The following ITPK1 variants were observed in gnomAD, a reference collection of about 807,000 sequenced individuals.
The protein encoded by ITPK1 is inositol-tetrakisphosphate 1-kinase.
In ITPK1, 21 loss-of-function variants were observed where a neutral mutation model predicts 45.3. The ratio of observed to expected loss-of-function variants is 0.46; its 90% CI spans 0.33 to 0.67. ITPK1 has a LOEUF of 0.67. Among genes scored for constraint, ITPK1 ranks in the 30% least tolerant of loss-of-function variants. The pLI, the probability that ITPK1 is intolerant of heterozygous loss-of-function variation, is 0.02. For synonymous variants in ITPK1, 258 were observed against 253.6 expected (o/e 1.02, Z -0.16); for missense variants, 474 against 573.5 (o/e 0.83, Z 1.77).
At chr14:92,994,237 C>T (rs1886937728) in intron 4 of ITPK1, among the ~76,000 whole-genome samples, 2 of 152,226 alleles carry the variant, frequency 1.3e-5, no homozygotes, top group South Asian at 4.1e-4. Context: ...GAAACTGCAA[C>T]CAGGCTCAGG....
At chr14:93,062,669 A>T (rs183942038) in intron 3 of ITPK1, among the ~76,000 whole-genome samples, 4,999 of 152,262 alleles carry the variant, frequency 0.033, 288 homozygotes, top group African/African-American at 0.11. Flanking sequence ...GACAGAGGTC[A>T]GGCACTAGCA....
chr14:93,066,447 C>T (rs1890756826), intron 3 of ITPK1: 1 of 344,696 alleles, frequency 2.9e-6, no homozygotes, highest in South Asian at 2.1e-5. Flanking sequence ...TGCTCTGTCA[C>T]AGGCTAGAGT....
At chr14:93,095,917 G>A (rs752670452) in intron 2 of ITPK1, among the ~76,000 whole-genome samples, 10 of 152,198 alleles carry the variant, frequency 6.6e-5, no homozygotes, top group Non-Finnish European at 1.2e-4. Flanking sequence ...TTGCTGCAAA[G>A]GATGGGGTTG....
At chr14:92,973,413 C>T (rs1012998444) in intron 5 of ITPK1, among the ~76,000 whole-genome samples, 1 of 152,214 alleles carries the variant, frequency 6.6e-6, no homozygotes, top group African/African-American at 2.4e-5. Context: ...GCCTGGCCAC[C>T]CTGTGGCGCT....
At chr14:93,017,844 A>T (rs1888262860) in intron 3 of ITPK1, among the ~76,000 whole-genome samples, 1 of 152,256 alleles carries the variant, frequency 6.6e-6, no homozygotes, top group Non-Finnish European at 1.5e-5. Flanking sequence ...AGTGGGCACC[A>T]CGCTCAAAGC....
chr14:93,055,650 C>T (rs1233760532), intron 3 of ITPK1, among the ~76,000 whole-genome samples: 1 of 152,210 alleles, frequency 6.6e-6, no homozygotes, highest in African/African-American at 2.4e-5. Context: ...CGGGACTCCT[C>T]TCAGCTGTCC....
chr14:93,053,835 G>C (rs1890119131), intron 3 of ITPK1, among the ~76,000 whole-genome samples: 1 of 152,192 alleles, frequency 6.6e-6, no homozygotes, highest in African/African-American at 2.4e-5. Flanking sequence ...CAATCTCCCA[G>C]GTGACTGTGA....
At chr14:93,110,240 T>C (rs1049044390) in intron 2 of ITPK1, among the ~76,000 whole-genome samples, 1 of 152,136 alleles carries the variant, frequency 6.6e-6, no homozygotes, top group Non-Finnish European at 1.5e-5. Flanking sequence ...TAGAAAGTGT[T>C]CATTTGCAAG....
intron 9 of ITPK1, among the ~76,000 whole-genome samples, chr14:92,948,477 C>T (rs1887787853): frequency 6.6e-6 from 1 of 152,128 alleles, no homozygotes; most frequent in African/African-American, 2.4e-5. Flanking sequence ...GCTGGGACTA[C>T]AGGCGTGTGC....
chr14:93,040,242 T>A (rs573592823), intron 3 of ITPK1, among the ~76,000 whole-genome samples: 2 of 152,352 alleles, frequency 1.3e-5, no homozygotes, highest in East Asian at 3.9e-4. Flanking sequence ...TCAGAGGGTC[T>A]GTGTCAGGGT....
chr14:93,072,768 T>G (rs937129733), intron 3 of ITPK1, among the ~76,000 whole-genome samples: 1 of 152,092 alleles, frequency 6.6e-6, no homozygotes, highest in African/African-American at 2.4e-5. Context: ...ACCCAACTAA[T>G]TTTTTGTATT....
chr14:93,102,977 G>T (rs546887177), intron 2 of ITPK1, among the ~76,000 whole-genome samples: 1 of 151,662 alleles, frequency 6.6e-6, no homozygotes, highest in Non-Finnish European at 1.5e-5. Context: ...GCAGGCGCCT[G>T]TAGTCCCAGC....
At chr14:93,066,284 G>T in intron 3 of ITPK1, 1 of 454,604 alleles carries the variant, frequency 2.2e-6, no homozygotes. Context: ...TCAGCTTGGT[G>T]TGCGTGCGTG....
chr14:93,029,236 G>A (rs1218935420), intron 3 of ITPK1, among the ~76,000 whole-genome samples: 7 of 152,144 alleles, frequency 4.6e-5, no homozygotes, highest in Admixed American at 4.6e-4. Flanking sequence ...TAAGCGGCAG[G>A]CCCATGTTTT....
chr14:93,031,944 C>A (rs1209778465), intron 3 of ITPK1, among the ~76,000 whole-genome samples: 1 of 152,196 alleles, frequency 6.6e-6, no homozygotes, highest in Non-Finnish European at 1.5e-5. Flanking sequence ...TCCTACAAAG[C>A]CTGCATAGAT....
chr14:92,977,302 C>T (rs977819840), intron 5 of ITPK1, among the ~76,000 whole-genome samples: 10 of 152,228 alleles, frequency 6.6e-5, no homozygotes, highest in Non-Finnish European at 1.3e-4. Context: ...TGCAGTCTGA[C>T]ATGGCCCTGG....
intron 2 of ITPK1, among the ~76,000 whole-genome samples, chr14:93,103,211 G>A (rs867683950): frequency 1.3e-5 from 2 of 151,494 alleles, no homozygotes; most frequent in African/African-American, 2.4e-5. Flanking sequence ...GGCAGATCAC[G>A]AGTTCAAGAC....
At chr14:92,997,282 T>C (rs761917771) in intron 4 of ITPK1, among the ~76,000 whole-genome samples, 2 of 152,216 alleles carry the variant, frequency 1.3e-5, no homozygotes, top group Non-Finnish European at 2.9e-5. Flanking sequence ...TGATTCCATG[T>C]TTATGCGTTA....
chr14:93,076,327 C>T lies in ITPK1; in HGVS notation c.120+268G>A, dbSNP rs1167948202. On this transcript the variant is annotated intron_variant, in intron 3 of 10. Transcript: ENST00000267615. The surrounding 1 kb of genome is among the most constrained non-coding windows in gnomAD (Gnocchi z 4.3). Reference sequence around the variant, plus strand: ...TCCCACACCCACCCTAACCTGACCACTGCCATGCACACCCCCCTCAGGACT... The same window carrying T: ...TCCCACACCCACCCTAACCTGACCATTGCCATGCACACCCCCCTCAGGACT... Among the ~76,000 whole-genome samples the T allele has an allele frequency of 6.6e-6, 1 of 152,078 alleles. No individual in the cohort carries two copies. The highest frequency in any genetic ancestry group is 1.5e-5 in the Non-Finnish European group (1 of 68,024).
Sources: allele counts gnomAD v4.1 joint callset (sites outside exome capture counted in the v4.1 genomes callset), GRCh38; gene constraint gnomAD v4.1.1; non-coding constraint Gnocchi (gnomAD v3.1); transcripts MANE v1.5; gene names NCBI Gene and HGNC (gene_info 2026-07-23, HGNC 2026-07-21).